Variants in UNC13C observed in about 807,000 individuals in gnomAD.
UNC13C encodes unc-13 homolog C, also known as protein unc-13 homolog C.
In UNC13C, 174 loss-of-function variants were observed where a neutral mutation model predicts 245.4. The ratio of observed to expected loss-of-function variants is 0.71; its 90% CI spans 0.63 to 0.80. The LOEUF is 0.80. Ranked by LOEUF, UNC13C falls within the 30% of genes least tolerant of loss-of-function variation. The probability of loss-of-function intolerance (pLI) is 0.00; values close to 1 mark genes in which losing one functional copy is unlikely to be tolerated. For missense variants in UNC13C, 2,829 were observed against 2,602.9 expected (o/e 1.09, Z -1.89); for synonymous variants, 992 against 895.1 (o/e 1.11, Z -1.93).
chr15:53,964,686 A>G, the UNC13C span, among the ~76,000 whole-genome samples: 7 of 152,206 alleles, frequency 4.6e-5, no homozygotes, highest in Non-Finnish European at 5.9e-5. Flanking sequence ...AAATCTATCC[A>G]TGAAACAAAG....
At chr15:54,325,448 A>G (rs1340000492) in intron 14 of UNC13C, among the ~76,000 whole-genome samples, 1 of 152,056 alleles carries the variant, frequency 6.6e-6, no homozygotes, top group Admixed American at 6.6e-5. Flanking sequence ...TCCAGGGTAC[A>G]TGTGCACAAC....
At chr15:54,034,884 A>G (rs1266522680) in intron 2 of UNC13C, among the ~76,000 whole-genome samples, 1 of 152,186 alleles carries the variant, frequency 6.6e-6, no homozygotes, top group Non-Finnish European at 1.5e-5. Context: ...GAAGTAAGAG[A>G]ACCGACGTAG....
chr15:54,277,413 C>A (rs2036860945), intron 10 of UNC13C, among the ~76,000 whole-genome samples: 1 of 152,002 alleles, frequency 6.6e-6, no homozygotes, highest in Non-Finnish European at 1.5e-5. Context: ...CTTTTTTCAC[C>A]CTGTCCTTAC....
chr15:54,532,886 A>C (rs1172455138), intron 25 of UNC13C, 31 bp from the exon 26 acceptor site: 1 of 1,404,910 alleles, frequency 7.1e-7, no homozygotes, highest in Non-Finnish European at 9.7e-7. Context: ...ATGTATTCTT[A>C]TATTTTAGAA....
chr15:54,002,493 G>T (rs551232015), intron 1 of UNC13C, among the ~76,000 whole-genome samples: 15 of 152,210 alleles, frequency 9.9e-5, no homozygotes, highest in Admixed American at 2.6e-4. Flanking sequence ...AGACACAGAG[G>T]AGCAGGTAAT....
chr15:54,509,478 C>T (rs1894640916), intron 23 of UNC13C, among the ~76,000 whole-genome samples: 1 of 152,064 alleles, frequency 6.6e-6, no homozygotes, highest in Non-Finnish European at 1.5e-5. Context: ...TGTTCCTAGT[C>T]TGAAACTTTC....
intron 17 of UNC13C, among the ~76,000 whole-genome samples, chr15:54,385,056 G>A (rs1441405715): frequency 1.3e-5 from 2 of 152,150 alleles, no homozygotes; most frequent in Non-Finnish European, 2.9e-5. Context: ...ATTACACACT[G>A]TTGGTGAGAG....
intron 30 of UNC13C, among the ~76,000 whole-genome samples, chr15:54,615,592 A>C (rs1900377282): frequency 6.6e-6 from 1 of 152,066 alleles, no homozygotes; most frequent in South Asian, 2.1e-4. Flanking sequence ...GTTTGCTAGT[A>C]ATTGTGGTGC....
intron 2 of UNC13C, among the ~76,000 whole-genome samples, chr15:54,134,595 C>T (rs2031633434): frequency 6.6e-6 from 1 of 152,270 alleles, no homozygotes; most frequent in African/African-American, 2.4e-5. Context: ...TCTCAGCTCA[C>T]TGCAAGCTCC....
At position 54,626,901 on chromosome 15, in the gene UNC13C, G is replaced by A; in HGVS notation, c.6433G>A (p.Glu2145Lys). Residue 2145 changes from glutamate (E) to lysine (K), a missense_variant, in exon 33 of 33, where the codon GAA (glutamate) becomes AAA (lysine). Coordinates refer to ENST00000260323, the MANE Select transcript of UNC13C (RefSeq NM_001080534.3). ...LSVKDYCFAR[E>K]DRIIGMTVIQ... is the part of the protein sequence containing the mutation. ...AGTTAAGGATTACTGCTTTGCCAGA[G>A]AAGATCGAATTATCGGAATGACAGT... 4 of 1,613,394 alleles carry A rather than the reference G, an allele frequency of 2.5e-6. No homozygotes were observed. Among genetic ancestry groups the A allele is most frequent in the Non-Finnish European group, 3.4e-6 (4 of 1,179,576 alleles).
intron 17 of UNC13C, among the ~76,000 whole-genome samples, chr15:54,389,927 C>T (rs2039918867): frequency 6.6e-6 from 1 of 152,022 alleles, no homozygotes; most frequent in Non-Finnish European, 1.5e-5. Context: ...TGGAGTTTCA[C>T]TATGTTGGCT....
intron 2 of UNC13C, among the ~76,000 whole-genome samples, chr15:54,133,157 G>T (rs2031531504): frequency 6.6e-6 from 1 of 152,102 alleles, no homozygotes; most frequent in Admixed American, 6.6e-5. Context: ...AGAATTTAGA[G>T]CTAGAAGATT....
the UNC13C span, among the ~76,000 whole-genome samples, chr15:53,921,631 A>C: frequency 6.6e-6 from 1 of 152,316 alleles, no homozygotes; most frequent in African/African-American, 2.4e-5. Context: ...TATTTATGAC[A>C]GTCTTTCTTG....
intron 4 of UNC13C, among the ~76,000 whole-genome samples, chr15:54,228,751 C>G (rs1270766136): frequency 6.6e-6 from 1 of 152,108 alleles, no homozygotes; most frequent in Non-Finnish European, 1.5e-5. Flanking sequence ...TCTTGCTCTT[C>G]CCTCTCCCCT....
intron 2 of UNC13C, among the ~76,000 whole-genome samples, chr15:54,079,807 C>G (rs891775661): frequency 6.6e-6 from 1 of 151,812 alleles, no homozygotes; most frequent in African/African-American, 2.4e-5. Flanking sequence ...TTCTTTCTTT[C>G]TCTTGCTTAA....
At chr15:54,605,456 C>T (rs771664672) in intron 30 of UNC13C, among the ~76,000 whole-genome samples, 7 of 152,132 alleles carry the variant, frequency 4.6e-5, no homozygotes, top group Non-Finnish European at 8.8e-5. Flanking sequence ...ACTCTTTTGT[C>T]TTGCTTTGGA....
At chr15:54,021,539 C>A (rs539751881) in intron 2 of UNC13C, among the ~76,000 whole-genome samples, 2 of 152,186 alleles carry the variant, frequency 1.3e-5, no homozygotes, top group Non-Finnish European at 2.9e-5. Flanking sequence ...TTTTAAAGAC[C>A]GTGTAGTGTT....
intron 4 of UNC13C, among the ~76,000 whole-genome samples, chr15:54,196,258 C>G (rs918183537): frequency 6.6e-6 from 1 of 151,726 alleles, no homozygotes; most frequent in Admixed American, 6.6e-5. Flanking sequence ...TGCAGAGAGA[C>G]AAGCAAACAG....
At chr15:53,872,054 C>T in the UNC13C span, among the ~76,000 whole-genome samples, 4 of 152,196 alleles carry the variant, frequency 2.6e-5, no homozygotes, top group Admixed American at 6.6e-5. Flanking sequence ...GTTGAAATGA[C>T]ATCTGATCTA....
Sources: allele counts gnomAD v4.1 joint callset (sites outside exome capture counted in the v4.1 genomes callset), GRCh38; gene constraint gnomAD v4.1.1; transcripts MANE v1.5; gene names NCBI Gene and HGNC (gene_info 2026-07-23, HGNC 2026-07-21).